Variants in FAIM2 observed in about 807,000 individuals in gnomAD.
FAIM2 encodes protein lifeguard 2.
Under a neutral mutation model 47.4 loss-of-function variants are expected in FAIM2, and 27 were observed. The observed-to-expected ratio is 0.57, with a 90% CI of 0.42 to 0.78. The LOEUF is 0.78. Ranked by LOEUF, FAIM2 falls within the 30% of genes least tolerant of loss-of-function variation. The probability of loss-of-function intolerance (pLI) is 0.00; values close to 1 mark genes in which losing one functional copy is unlikely to be tolerated. For missense variants in FAIM2, 311 were observed against 389.4 expected, an observed-to-expected ratio of 0.80 and a Z score of 1.69; for synonymous variants, 156 against 159.3, an observed-to-expected ratio of 0.98 and a Z score of 0.16.
intron 11 of FAIM2, among the ~76,000 whole-genome samples, chr12:49,877,858 G>GTA (rs1946748391): frequency 6.6e-6 from 1 of 151,926 alleles, no homozygotes; most frequent in Non-Finnish European, 1.5e-5. Flanking sequence ...GTGTGTGCAT[G>GTA]TGTGTGTGAG....
At chr12:49,879,280 GTGTA>G (rs145451910) in intron 11 of FAIM2, among the ~76,000 whole-genome samples, 31,566 of 72,562 alleles carry the variant, frequency 0.44, 8,905 homozygotes, top group African/African-American at 0.61. Context: ...GTGTATATGT[GTGTA>G]TGTGTGTGGG....
intron 11 of FAIM2, among the ~76,000 whole-genome samples, chr12:49,883,691 G>T (rs1397236842): frequency 6.6e-6 from 1 of 152,170 alleles, no homozygotes; most frequent in Non-Finnish European, 1.5e-5. Flanking sequence ...GACCCTGAGG[G>T]AGCAGGGTAG....
At position 49,874,710 on chromosome 12, in the gene FAIM2, T is replaced by C. The variant is rs558371423; in HGVS notation, c.802-4057A>G. On this transcript the variant is annotated intron_variant, in intron 11 of 11. Coordinates refer to ENST00000320634, the MANE Select transcript of FAIM2 (RefSeq NM_012306.4). The surrounding 1 kb of genome is among the most constrained non-coding windows in gnomAD (Gnocchi z 4.2). ...AAAAAGCTGGGGTTGCAATGTGTTGTATCAGCATAAACAGTGCCACGTGGA... is the reference window on the plus strand; with the variant it reads ...AAAAAGCTGGGGTTGCAATGTGTTGCATCAGCATAAACAGTGCCACGTGGA... 1.3e-5 allele frequency among the ~76,000 whole-genome samples: 2 copies of C among 152,348 alleles called. No homozygotes were observed. The highest frequency in any genetic ancestry group is 4.1e-4 in the South Asian group (2 of 4,832).
intron 4 of FAIM2, 79 bp downstream of exon 4, chr12:49,897,440 G>T: frequency 7.6e-7 from 1 of 1,314,454 alleles, no homozygotes; most frequent in South Asian, 1.2e-5. Flanking sequence ...ATTCCAGCAG[G>T]AGTCTGATCA....
chr12:49,872,727 T>C (rs1381222591), intron 11 of FAIM2, among the ~76,000 whole-genome samples: 2 of 152,142 alleles, frequency 1.3e-5, no homozygotes, highest in Non-Finnish European at 2.9e-5. Context: ...TCAGATCCAC[T>C]TGGACTGCAG....
intron 5 of FAIM2, among the ~76,000 whole-genome samples, chr12:49,896,264 A>T (rs937508376): frequency 6.6e-6 from 1 of 152,154 alleles, no homozygotes; most frequent in Admixed American, 6.5e-5. Flanking sequence ...TGGTCTGGAG[A>T]TATCCAGGGT....
At position 49,887,150 on chromosome 12, in the gene FAIM2, C is replaced by T. The variant is rs547670377; in HGVS notation, c.801+236G>A. 6.6e-5 allele frequency among the ~76,000 whole-genome samples: 10 copies of T among 152,298 alleles called. No individual in the cohort carries two copies. In the South Asian group the frequency reaches 2.1e-3, roughly 32 times the overall value. On this transcript the variant is annotated intron_variant, in intron 11 of 11. Transcript: ENST00000320634. ...TTCCCAGCTTTGCCTCTGTCTACAG[C>T]TTCCATCCTGCTGTTACAATCTTCC...
chr12:49,900,366 G>T, intron 2 of FAIM2: 2 of 363,504 alleles, frequency 5.5e-6, no homozygotes, highest in Non-Finnish European at 9.5e-6. Context: ...AGGCCACAGG[G>T]GCTAAGGAGG....
rs773493064 is a variant in FAIM2, at chr12:49,870,535, A to G, written c.920T>C (p.Phe307Ser). ...YLDIIYIFTF[F>S]LQLFGTNRE ...TCGGTTAGTGCCAAAAAGCTGCAGG[A>G]AGAAGGTGAAGATATAGATGATGTC... The change falls in exon 12 of 12, where the codon TTC (phenylalanine) becomes TCC (serine). Residue 307 changes from phenylalanine to serine, a missense_variant. Coordinates refer to ENST00000320634, the MANE Select transcript of FAIM2 (RefSeq NM_012306.4). 2.5e-6 allele frequency: 4 copies of G among 1,613,786 alleles called. No individual in the cohort carries two copies. The East Asian group carries it at 6.7e-5, about 27-fold the overall frequency.
intron 11 of FAIM2, among the ~76,000 whole-genome samples, chr12:49,881,029 T>C (rs562505009): frequency 6.6e-6 from 1 of 152,120 alleles, no homozygotes; most frequent in African/African-American, 2.4e-5. Context: ...TGAGGACAGA[T>C]AGCTGTATTA....
intron 11 of FAIM2, among the ~76,000 whole-genome samples, chr12:49,883,269 G>A (rs1946838464): frequency 6.6e-6 from 1 of 152,164 alleles, no homozygotes; most frequent in Non-Finnish European, 1.5e-5. Flanking sequence ...GCCTGCAGGA[G>A]GCCATGGCAA....
At chr12:49,887,476 AAGGGGCAGCAGTCAG>A in intron 10 of FAIM2, 37 bp from the exon 11 acceptor site, 3 of 1,584,746 alleles carry the variant, frequency 1.9e-6, no homozygotes, top group Non-Finnish European at 2.6e-6. Flanking sequence ...GGACGACAAG[AAGGGGCAGCAGTCAG>A]AGGGGCAGGG....
chr12:49,888,702 T>C (rs1946878268), intron 10 of FAIM2, among the ~76,000 whole-genome samples: 1 of 152,142 alleles, frequency 6.6e-6, no homozygotes, highest in Non-Finnish European at 1.5e-5. Context: ...AGATTCTGCC[T>C]CTTTGGACTT....
intron 2 of FAIM2, among the ~76,000 whole-genome samples, chr12:49,898,482 C>A (rs1196321233): frequency 6.6e-6 from 1 of 152,194 alleles, no homozygotes; most frequent in Non-Finnish European, 1.5e-5. Flanking sequence ...TCTGGGCCAC[C>A]CAGCAGCAAA....
intron 3 of FAIM2, 85 bp from the exon 4 acceptor site, chr12:49,897,668 TC>T: frequency 1.0e-6 from 1 of 998,038 alleles, no homozygotes; most frequent in South Asian, 1.5e-5. Flanking sequence ...CCTCTCCAGG[TC>T]CCCATCCTGT....
intron 11 of FAIM2, among the ~76,000 whole-genome samples, chr12:49,879,850 G>T (rs568409411): frequency 2.1e-4 from 30 of 145,038 alleles, no homozygotes; most frequent in African/African-American, 7.5e-4. Context: ...GTGAGTGTAT[G>T]TATGTTCATG....
At chr12:49,880,507 AGT>A (rs1946810373) in intron 11 of FAIM2, among the ~76,000 whole-genome samples, 2 of 34,806 alleles carry the variant, frequency 5.7e-5, no homozygotes, top group Middle Eastern at 0.021. Context: ...TGTGTGTATG[AGT>A]GTGTATGTGC....
chr12:49,890,800 A>AG lies in FAIM2; in HGVS notation c.486-79dup. On this transcript the variant is annotated intron_variant, in intron 6 of 11. Transcript: ENST00000320634. Reference sequence around the variant, plus strand: ...CCCAGGCTGTGACACTGTTGCAGGGAGGGGGTCTCTGACCAACCCCCTCCA... The same window carrying AG: ...CCCAGGCTGTGACACTGTTGCAGGGAGGGGGGTCTCTGACCAACCCCCTCCA... The AG allele has an allele frequency of 2.3e-6, 3 of 1,303,206 alleles. No individual in the cohort carries two copies. The Admixed American group carries it at 5.0e-5, about 22-fold the overall frequency. 80.7% of individuals were successfully genotyped at this position (1,303,206 alleles called of 1,614,324 possible).
chr12:49,876,758 C>T (rs538481385), intron 11 of FAIM2, among the ~76,000 whole-genome samples: 95 of 151,648 alleles, frequency 6.3e-4, no homozygotes, highest in Non-Finnish European at 1.0e-3. Context: ...GGTGACAGAG[C>T]GAGACTCCAT....
Sources: gnomAD v4.1 joint callset for allele counts (sites outside exome capture counted in the v4.1 genomes callset) on GRCh38, gnomAD v4.1.1 for gene constraint, Gnocchi (gnomAD v3.1) non-coding constraint, MANE v1.5 for transcripts, NCBI Gene and HGNC (gene_info 2026-07-23, HGNC 2026-07-21) for gene names.